AGBL4: variants seen among roughly 807,000 people sequenced by gnomAD.
AGBL4 encodes cytosolic carboxypeptidase 6.
Under a neutral mutation model 66.4 loss-of-function variants are expected in AGBL4, and 58 were observed. The ratio of observed to expected loss-of-function variants is 0.87; its 90% confidence interval spans 0.71 to 1.09. The LOEUF (loss-of-function observed/expected upper bound fraction) is 1.09, where lower values mean the gene tolerates loss of function less well. Ranked by LOEUF, AGBL4 falls within the 50% of genes least tolerant of loss-of-function variation. The probability of loss-of-function intolerance (pLI) is 0.00; values close to 1 mark genes in which losing one functional copy is unlikely to be tolerated. For synonymous variants in AGBL4, 234 were observed against 222.9 expected (o/e 1.05, Z -0.44); for missense variants, 579 against 631.0 (o/e 0.92, Z 0.88).
At chr1:49,865,456 C>T (rs925233859) in intron 1 of AGBL4, among the ~76,000 whole-genome samples, 1 of 152,120 alleles carries the variant, frequency 6.6e-6, no homozygotes. Flanking sequence ...ACAAGAGGGA[C>T]CCAGGCAAAT....
intron 6 of AGBL4, among the ~76,000 whole-genome samples, chr1:48,764,048 G>A (rs909482980): frequency 2.0e-5 from 3 of 152,226 alleles, no homozygotes; most frequent in Admixed American, 1.3e-4. Flanking sequence ...AAACTGGCCC[G>A]GGGGACACAG....
intron 1 of AGBL4, among the ~76,000 whole-genome samples, chr1:49,863,258 T>C (rs1393804696): frequency 2.0e-5 from 3 of 152,162 alleles, no homozygotes; most frequent in Non-Finnish European, 4.4e-5. Context: ...TCTAGACCCC[T>C]ATCTCTCACC....
At chr1:48,577,654 C>G (rs1644674930) in intron 11 of AGBL4, among the ~76,000 whole-genome samples, 3 of 151,962 alleles carry the variant, frequency 2.0e-5, no homozygotes, top group Admixed American at 1.3e-4. Context: ...GCAGTCAGCC[C>G]AAGGCAGGGC....
chr1:48,576,651 C>T (rs1275890820), intron 11 of AGBL4, among the ~76,000 whole-genome samples: 2 of 152,136 alleles, frequency 1.3e-5, no homozygotes, highest in Non-Finnish European at 2.9e-5. Context: ...CCTTTCCAAC[C>T]TGATGCCTCA....
intron 3 of AGBL4, among the ~76,000 whole-genome samples, chr1:49,252,438 T>C (rs1319385291): frequency 6.6e-6 from 1 of 152,114 alleles, no homozygotes; most frequent in African/African-American, 2.4e-5. Flanking sequence ...AACTGACTGG[T>C]TGTCCCTGAA....
At chr1:49,161,860 G>A (rs938164790) in intron 4 of AGBL4, among the ~76,000 whole-genome samples, 6 of 152,156 alleles carry the variant, frequency 3.9e-5, no homozygotes, top group African/African-American at 1.4e-4. Flanking sequence ...TCAGGATCAT[G>A]CCTCTTGGGA....
At chr1:48,734,004 C>T (rs1287612342) in intron 6 of AGBL4, among the ~76,000 whole-genome samples, 7 of 152,204 alleles carry the variant, frequency 4.6e-5, no homozygotes, top group East Asian at 1.9e-4. Context: ...TCCTGAGTCA[C>T]GTTCCAACAA....
intron 3 of AGBL4, among the ~76,000 whole-genome samples, chr1:49,567,593 G>A (rs1457439426): frequency 6.6e-6 from 1 of 152,016 alleles, no homozygotes; most frequent in Non-Finnish European, 1.5e-5. Context: ...TTATTTTTCA[G>A]TTCCTGGGTA....
intron 4 of AGBL4, among the ~76,000 whole-genome samples, chr1:49,129,293 TTG>T (rs952360707): frequency 3.6e-4 from 17 of 46,966 alleles, no homozygotes; most frequent in Non-Finnish European, 1.5e-3. Context: ...TTTGTTTTTT[TTG>T]TTGTTGTTGT....
At chr1:48,673,761 G>A (rs1646314957) in intron 6 of AGBL4, among the ~76,000 whole-genome samples, 1 of 152,228 alleles carries the variant, frequency 6.6e-6, no homozygotes, top group Non-Finnish European at 1.5e-5. Context: ...GGAAGGGTCA[G>A]TCATGAGGGA....
chr1:49,312,032 C>G (rs1644949822), intron 3 of AGBL4, among the ~76,000 whole-genome samples: 1 of 151,902 alleles, frequency 6.6e-6, no homozygotes. Flanking sequence ...TTTTGAACAT[C>G]AACAATACTA....
At chr1:49,714,023 C>T (rs1647882291) in intron 2 of AGBL4, among the ~76,000 whole-genome samples, 1 of 151,898 alleles carries the variant, frequency 6.6e-6, no homozygotes, top group South Asian at 2.1e-4. Flanking sequence ...CTTCTAATTG[C>T]CAAATTAACT....
chr1:49,706,480 T>C (rs1647225474), intron 2 of AGBL4, among the ~76,000 whole-genome samples: 1 of 152,146 alleles, frequency 6.6e-6, no homozygotes, highest in Non-Finnish European at 1.5e-5. Context: ...TCTATTTTGT[T>C]AATCTTTTCA....
At chr1:49,814,506 T>C (rs1036708601) in intron 2 of AGBL4, among the ~76,000 whole-genome samples, 1 of 152,130 alleles carries the variant, frequency 6.6e-6, no homozygotes, top group African/African-American at 2.4e-5. Context: ...GGAGACACTA[T>C]ATAAATATTT....
chr1:48,656,399 T>G (rs1646021097), intron 7 of AGBL4, among the ~76,000 whole-genome samples: 1 of 152,242 alleles, frequency 6.6e-6, no homozygotes, highest in South Asian at 2.1e-4. Context: ...AACTGATCAT[T>G]GCTCATTCTA....
At chr1:49,616,037 T>C (rs1009527012) in intron 3 of AGBL4, among the ~76,000 whole-genome samples, 1 of 152,170 alleles carries the variant, frequency 6.6e-6, no homozygotes, top group Admixed American at 6.5e-5. Flanking sequence ...TTATATCCTA[T>C]TTCACTGCCT....
At chr1:48,567,800 G>A (rs1217445016) in intron 11 of AGBL4, among the ~76,000 whole-genome samples, 1 of 152,114 alleles carries the variant, frequency 6.6e-6, no homozygotes, top group South Asian at 2.1e-4. Context: ...AGTGCTTCCC[G>A]ACCTTTCATG....
At chr1:49,737,800 T>G (rs1650023201) in intron 2 of AGBL4, among the ~76,000 whole-genome samples, 2 of 152,214 alleles carry the variant, frequency 1.3e-5, no homozygotes. Flanking sequence ...CAGAATTCCA[T>G]TAGCAAAACT....
At chr1:48,565,769 T>G (rs190077999) in intron 11 of AGBL4, among the ~76,000 whole-genome samples, 1 of 152,346 alleles carries the variant, frequency 6.6e-6, no homozygotes, top group East Asian at 1.9e-4. Flanking sequence ...ATCTCTGTCT[T>G]GTCTTCTTCA....
Sources: gnomAD v4.1 joint callset for allele counts (sites outside exome capture counted in the v4.1 genomes callset) on GRCh38, gnomAD v4.1.1 for gene constraint, MANE v1.5 for transcripts, NCBI Gene and HGNC (gene_info 2026-07-23, HGNC 2026-07-21) for gene names.